Variants in NAV3 observed in about 807,000 individuals in gnomAD.
The protein encoded by NAV3 is pore membrane and/or filament interacting like protein 1.
NAV3 carries 87 observed loss-of-function variants against 244.7 expected under a neutral mutation model. The ratio of observed to expected loss-of-function variants is 0.36; its 90% CI spans 0.30 to 0.42. NAV3 has a LOEUF of 0.42. Ranked by LOEUF, NAV3 falls within the 20% of genes least tolerant of loss-of-function variation. The pLI, the probability that NAV3 is intolerant of heterozygous loss-of-function variation, is 1.00. For missense variants in NAV3, 2,663 were observed against 2,893.3 expected (o/e 0.92, Z 1.83); for synonymous variants, 1,126 against 1,042.2 (o/e 1.08, Z -1.55).
chr12:77,967,500 T>C (rs1193565289), intron 4 of NAV3, among the ~76,000 whole-genome samples: 1 of 152,124 alleles, frequency 6.6e-6, no homozygotes, highest in African/African-American at 2.4e-5. Context: ...AGTTATATGA[T>C]AAACCATCAG....
intron 2 of NAV3, among the ~76,000 whole-genome samples, chr12:77,763,246 G>A (rs1474662571): frequency 6.6e-6 from 1 of 152,144 alleles, no homozygotes; most frequent in African/African-American, 2.4e-5. Flanking sequence ...ATTATAGAAG[G>A]TAGGAGAGGG....
At chr12:77,758,068 T>C (rs1297861260) in intron 2 of NAV3, among the ~76,000 whole-genome samples, 2 of 152,038 alleles carry the variant, frequency 1.3e-5, no homozygotes, top group Non-Finnish European at 2.9e-5. Flanking sequence ...GCTTGGTGTC[T>C]TGGCCACTGC....
At chr12:78,127,038 A>G in intron 16 of NAV3, 129 bp from the exon 17 acceptor site, 1 of 741,570 alleles carries the variant, frequency 1.3e-6, no homozygotes, top group Non-Finnish European at 2.2e-6. Context: ...GCCTTTTTCA[A>G]TGAGTTAAGC....
chr12:78,011,912 G>A (rs1875346510), intron 8 of NAV3, among the ~76,000 whole-genome samples: 1 of 152,030 alleles, frequency 6.6e-6, no homozygotes, highest in South Asian at 2.1e-4. Context: ...AGAGGACATG[G>A]GAAACTGCCA....
chr12:77,998,848 C>T (rs931162111), intron 7 of NAV3, among the ~76,000 whole-genome samples: 1 of 151,968 alleles, frequency 6.6e-6, no homozygotes, highest in Non-Finnish European at 1.5e-5. Context: ...AAGGTAAGAG[C>T]CATAAGTGTT....
chr12:77,750,535 C>T (rs1216690431), intron 2 of NAV3, among the ~76,000 whole-genome samples: 2 of 151,262 alleles, frequency 1.3e-5, no homozygotes, highest in Non-Finnish European at 2.9e-5. Context: ...AGAGTGAGAC[C>T]CTGTCTCTAA....
intron 30 of NAV3, among the ~76,000 whole-genome samples, chr12:78,185,017 G>A (rs1295857793): frequency 6.6e-6 from 1 of 151,676 alleles, no homozygotes. Flanking sequence ...TACTATTTTG[G>A]TTTTGAAACT....
chr12:77,583,501 C>A (rs1592473718), intron 2 of NAV3, among the ~76,000 whole-genome samples: 2 of 152,058 alleles, frequency 1.3e-5, no homozygotes, highest in Non-Finnish European at 2.9e-5. Flanking sequence ...CTGCTTTGCT[C>A]TGTAAAATAT....
At chr12:78,150,953 A>G (rs963854287) in intron 22 of NAV3, among the ~76,000 whole-genome samples, 1 of 152,028 alleles carries the variant, frequency 6.6e-6, no homozygotes, top group African/African-American at 2.4e-5. Context: ...AGATATGCAG[A>G]TAATACATAA....
chr12:77,993,969 C>T (rs1871886618), intron 5 of NAV3, among the ~76,000 whole-genome samples: 1 of 134,958 alleles, frequency 7.4e-6, no homozygotes, highest in Non-Finnish European at 1.6e-5. Flanking sequence ...TTTCAGAATA[C>T]TGATTCCAGA....
At chr12:77,772,501 T>C (rs147619687) in intron 2 of NAV3, among the ~76,000 whole-genome samples, 8 of 152,310 alleles carry the variant, frequency 5.3e-5, no homozygotes, top group African/African-American at 1.9e-4. Context: ...CTAAGACTTA[T>C]GATAAATAGT....
chr12:78,077,768 T>C (rs1232187905), intron 12 of NAV3, among the ~76,000 whole-genome samples: 3 of 152,068 alleles, frequency 2.0e-5, no homozygotes, highest in Non-Finnish European at 4.4e-5. Flanking sequence ...TGAAACCCCG[T>C]CTCTACTAAA....
chr12:77,961,959 A>G (rs1892065517), intron 3 of NAV3, among the ~76,000 whole-genome samples: 2 of 152,064 alleles, frequency 1.3e-5, no homozygotes, highest in Non-Finnish European at 2.9e-5. Context: ...TATTATGAGC[A>G]CCTTTCATGA....
chr12:77,683,486 A>T (rs1049797912), intron 2 of NAV3, among the ~76,000 whole-genome samples: 2 of 151,880 alleles, frequency 1.3e-5, no homozygotes, highest in African/African-American at 4.8e-5. Flanking sequence ...TTTGCTTAGG[A>T]TTGCTTCAGC....
At chr12:77,956,040 G>A (rs544258691) in intron 3 of NAV3, among the ~76,000 whole-genome samples, 5 of 151,982 alleles carry the variant, frequency 3.3e-5, no homozygotes, top group Admixed American at 2.0e-4. Context: ...ACCAATAATT[G>A]TTAAATGAAT....
chr12:77,998,214 A>G, intron 6 of NAV3, 123 bp from the exon 7 acceptor site: 1 of 629,690 alleles, frequency 1.6e-6, no homozygotes, highest in East Asian at 3.2e-5. Flanking sequence ...CACATCTATC[A>G]CCATTTTCTG....
At chr12:78,076,735 A>G (rs1227450238) in intron 12 of NAV3, among the ~76,000 whole-genome samples, 3 of 152,204 alleles carry the variant, frequency 2.0e-5, no homozygotes, top group Admixed American at 1.3e-4. Flanking sequence ...GTATTATCTC[A>G]AAAGAAAAAA....
At chr12:78,193,707 T>C (rs1430639367) in intron 34 of NAV3, among the ~76,000 whole-genome samples, 1 of 152,116 alleles carries the variant, frequency 6.6e-6, no homozygotes, top group Non-Finnish European at 1.5e-5. Flanking sequence ...CTCTAAGTTA[T>C]AGGAAAAAAG....
chr12:77,731,217 C>T (rs972637809), intron 2 of NAV3, among the ~76,000 whole-genome samples: 5 of 151,858 alleles, frequency 3.3e-5, no homozygotes, highest in Non-Finnish European at 5.9e-5. Context: ...ATACCAGTCC[C>T]ATACAGCAGC....
Sources: gnomAD v4.1 joint callset for allele counts (sites outside exome capture counted in the v4.1 genomes callset) on GRCh38, gnomAD v4.1.1 for gene constraint, MANE v1.5 for transcripts, NCBI Gene and HGNC (gene_info 2026-07-23, HGNC 2026-07-21) for gene names.